Variants in ATF7 observed in about 807,000 individuals in gnomAD.
ATF7 encodes the protein cyclic AMP-dependent transcription factor ATF-7.
A neutral mutation model predicts 50.4 loss-of-function variants in ATF7; 10 were observed. The observed-to-expected ratio is 0.20, with a 90% confidence interval of 0.12 to 0.34. The LOEUF (loss-of-function observed/expected upper bound fraction) is 0.34, where lower values mean the gene tolerates loss of function less well. ATF7 is among the 10% of genes least tolerant of loss of function. ATF7 has a pLI of 1.00. For missense variants in ATF7, 465 were observed against 613.9 expected (o/e 0.76, Z 2.56); for synonymous variants, 201 against 226.4 (o/e 0.89, Z 1.01).
intron 6 of ATF7, among the ~76,000 whole-genome samples, chr12:53,534,078 T>C (rs1014119449): frequency 6.6e-5 from 10 of 152,218 alleles, no homozygotes; most frequent in Non-Finnish European, 1.5e-4. Flanking sequence ...GAGATCGAGA[T>C]CGTCCTGGCT....
chr12:53,599,293 G>A (rs1943288268), intron 2 of ATF7, among the ~76,000 whole-genome samples: 1 of 151,974 alleles, frequency 6.6e-6, no homozygotes, highest in Non-Finnish European at 1.5e-5. Context: ...CCCTGCCTTG[G>A]ACTCTGAAAG....
chr12:53,617,620 C>T (rs1944197486), intron 1 of ATF7, among the ~76,000 whole-genome samples: 1 of 151,970 alleles, frequency 6.6e-6, no homozygotes, highest in African/African-American at 2.4e-5. Flanking sequence ...CAGAGCAAGA[C>T]TATGTCTCAA....
At position 53,531,785 on chromosome 12, in the gene ATF7, G is replaced by T. The variant is rs200961997; in HGVS notation, c.886C>A (p.Leu296Ile). 1 of 1,612,516 alleles carries T rather than the reference G, an allele frequency of 6.2e-7. No homozygotes were observed. The highest frequency in any genetic ancestry group is 2.2e-5 in the East Asian group (1 of 44,866). ...GATGGGGCATCAGGGTGCTGGATGAGAATCTGGCTCTGCTCTGGGCGGGCT... is the reference window on the plus strand; with the variant it reads ...GATGGGGCATCAGGGTGCTGGATGATAATCTGGCTCTGCTCTGGGCGGGCT... Reference protein sequence around the residue: ...VTARPEQSQILIQHPDAPSPA... With the variant: ...VTARPEQSQIIIQHPDAPSPA... The change falls in exon 9 of 12, where the codon CTC becomes ATC. Residue 296 changes from leucine (L) to isoleucine (I), a missense_variant. By Grantham distance (5) the Leu-to-Ile change is conservative. Transcript: ENST00000420353.
intron 2 of ATF7, among the ~76,000 whole-genome samples, chr12:53,582,866 G>A (rs914565292): frequency 5.9e-5 from 9 of 152,140 alleles, no homozygotes; most frequent in Non-Finnish European, 8.8e-5. Flanking sequence ...TTACAGGCGT[G>A]AGCCACCGCA....
At position 53,552,528 on chromosome 12, in the gene ATF7, G is replaced by A; in HGVS notation, c.145+13C>T. The A allele has an allele frequency of 6.2e-7, 1 of 1,607,244 alleles. No individual in the cohort carries two copies. Among genetic ancestry groups the A allele is most frequent in the Non-Finnish European group, 8.5e-7 (1 of 1,174,030 alleles). On this transcript the variant is annotated intron_variant, in intron 3 of 11. Coordinates refer to ENST00000420353, the MANE Select transcript of ATF7 (RefSeq NM_006856.3). ...GTGGTATCAAGGCACGTGGCTTTTG[G>A]GGCAGCAAATACCTGCAATGATGAC...
At chr12:53,608,809 G>C (rs1029767264) in intron 1 of ATF7, among the ~76,000 whole-genome samples, 3 of 152,106 alleles carry the variant, frequency 2.0e-5, no homozygotes, top group Non-Finnish European at 4.4e-5. Flanking sequence ...ACAAATACGA[G>C]ATCTTCGCCA....
intron 2 of ATF7, among the ~76,000 whole-genome samples, chr12:53,570,736 C>CGTGT (rs57842916): frequency 9.5e-4 from 136 of 143,688 alleles, no homozygotes; most frequent in African/African-American, 2.1e-3. Flanking sequence ...CTCCTGTGTG[C>CGTGT]GTGTGTGTGT....
At chr12:53,576,307 C>G (rs1942063079) in intron 2 of ATF7, among the ~76,000 whole-genome samples, 1 of 152,138 alleles carries the variant, frequency 6.6e-6, no homozygotes, top group Admixed American at 6.6e-5. Context: ...CAAACCTTCC[C>G]TCCCTCTGTT....
intron 11 of ATF7, among the ~76,000 whole-genome samples, chr12:53,520,882 G>A (rs1243281477): frequency 1.3e-5 from 2 of 151,840 alleles, no homozygotes; most frequent in South Asian, 2.1e-4. Context: ...GCCTGCTCTC[G>A]TCACTTTCAC....
intron 8 of ATF7, among the ~76,000 whole-genome samples, chr12:53,532,256 C>T (rs1175761870): frequency 7.2e-5 from 11 of 152,178 alleles, no homozygotes; most frequent in African/African-American, 2.4e-4. Flanking sequence ...CACCCTAAAA[C>T]GGCAAGTGTT....
intron 1 of ATF7, among the ~76,000 whole-genome samples, chr12:53,624,953 C>A (rs997428569): frequency 9.2e-5 from 14 of 152,174 alleles, no homozygotes; most frequent in Non-Finnish European, 1.6e-4. Flanking sequence ...GATATCGCTA[C>A]AAGAATTACA....
At chr12:53,534,361 G>C (rs914762695) in intron 6 of ATF7, 141 bp downstream of exon 6, 10 of 1,257,992 alleles carry the variant, frequency 7.9e-6, no homozygotes, top group Non-Finnish European at 9.2e-6. Context: ...TTCTGTTTAT[G>C]GGGGAAAAAT....
At chr12:53,575,407 T>TA (rs554041037) in intron 2 of ATF7, among the ~76,000 whole-genome samples, 6,810 of 121,750 alleles carry the variant, frequency 0.056, 246 homozygotes, top group East Asian at 0.21. Context: ...AACTCTGTCT[T>TA]AAAAAAAAAA....
chr12:53,555,530 T>G (rs1354008529), intron 2 of ATF7, among the ~76,000 whole-genome samples: 2 of 115,202 alleles, frequency 1.7e-5, no homozygotes, highest in Non-Finnish European at 1.6e-5. Flanking sequence ...TGAGACGGAG[T>G]CTCGCTCTGT....
At chr12:53,570,830 C>A (rs897678374) in intron 2 of ATF7, among the ~76,000 whole-genome samples, 2 of 151,700 alleles carry the variant, frequency 1.3e-5, no homozygotes, top group Non-Finnish European at 2.9e-5. Flanking sequence ...TAGGGGCCCA[C>A]CTTACTTCAG....
intron 11 of ATF7, chr12:53,517,579 T>G (rs1937788850): frequency 1.8e-6 from 1 of 564,894 alleles, no homozygotes; most frequent in Non-Finnish European, 3.2e-6. Context: ...AACCTATCTA[T>G]TCCAATAAAA....
At chr12:53,542,107 G>GTTTTTTTTTTTTTTTTTTTT (rs1199418506) in intron 4 of ATF7, among the ~76,000 whole-genome samples, 1 of 101,450 alleles carries the variant, frequency 9.9e-6, no homozygotes, top group East Asian at 3.9e-4. Flanking sequence ...CGCCTGGCCT[G>GTTTTTTTTTTTTTTTTTTTT]TTTTTTTTTT....
chr12:53,554,908 G>A (rs1427618601), intron 2 of ATF7, among the ~76,000 whole-genome samples: 3 of 146,732 alleles, frequency 2.0e-5, no homozygotes, highest in South Asian at 2.2e-4. Context: ...AGCCTCAGTG[G>A]TTTCTGATTG....
At chr12:53,533,445 G>A (rs1049203319) in intron 6 of ATF7, among the ~76,000 whole-genome samples, 186 bp from the exon 7 acceptor site, 4 of 152,170 alleles carry the variant, frequency 2.6e-5, no homozygotes, top group Non-Finnish European at 1.5e-5. Flanking sequence ...CTTATAGATG[G>A]AGAAAAATGG....
Sources: allele counts gnomAD v4.1 joint callset (sites outside exome capture counted in the v4.1 genomes callset), GRCh38; gene constraint gnomAD v4.1.1; transcripts MANE v1.5; gene names NCBI Gene and HGNC (gene_info 2026-07-23, HGNC 2026-07-21).